FRAS1: variants seen among roughly 807,000 people sequenced by gnomAD.
FRAS1 encodes extracellular matrix organizing protein FRAS1.
A neutral mutation model predicts 435.2 loss-of-function variants in FRAS1; 290 were observed. That is an observed-to-expected ratio of 0.67 (90% CI 0.61 to 0.73). FRAS1 has a LOEUF of 0.73. FRAS1 is among the 30% of genes least tolerant of loss of function. The pLI is 0.00. For missense variants in FRAS1, 4,860 were observed against 5,001.5 expected (o/e 0.97, Z 0.85); for synonymous variants, 1,800 against 1,851.0 (o/e 0.97, Z 0.71).
chr4:78,329,997 T>C (rs345500), intron 18 of FRAS1, among the ~76,000 whole-genome samples: 113,894 of 152,062 alleles, frequency 0.75, 43,204 homozygotes, highest in African/African-American at 0.84. Context: ...GTGTCAAAAT[T>C]GAGAGAATGA....
chr4:78,460,078 G>C (rs192468731), intron 47 of FRAS1, among the ~76,000 whole-genome samples: 207 of 152,290 alleles, frequency 1.4e-3, no homozygotes, highest in Middle Eastern at 6.8e-3. Flanking sequence ...AAGCAAGAAG[G>C]CTGGGAGTCT....
At chr4:78,138,446 C>A (rs778299486) in intron 2 of FRAS1, among the ~76,000 whole-genome samples, 1 of 152,194 alleles carries the variant, frequency 6.6e-6, no homozygotes, top group South Asian at 2.1e-4. Context: ...ACTGATAAGC[C>A]TGGACTTTCA....
chr4:78,259,994 G>T (rs1462502926), intron 6 of FRAS1, among the ~76,000 whole-genome samples: 1 of 152,024 alleles, frequency 6.6e-6, no homozygotes, highest in Non-Finnish European at 1.5e-5. Flanking sequence ...TTTTTCTCAG[G>T]TTTGTCAAAG....
chr4:78,301,900 A>G (rs527808623), intron 14 of FRAS1, among the ~76,000 whole-genome samples: 1 of 145,600 alleles, frequency 6.9e-6, no homozygotes, highest in African/African-American at 2.6e-5. Context: ...CATGTGCACA[A>G]TGTGCTGGTT....
chr4:78,457,455 A>G (rs1719237544), intron 47 of FRAS1, among the ~76,000 whole-genome samples: 1 of 152,126 alleles, frequency 6.6e-6, no homozygotes, highest in Admixed American at 6.5e-5. Context: ...TCTGTGAATC[A>G]CAGGTTACAC....
intron 60 of FRAS1, among the ~76,000 whole-genome samples, chr4:78,498,178 T>C (rs988828368): frequency 2.0e-5 from 3 of 152,050 alleles, no homozygotes; most frequent in African/African-American, 7.2e-5. Flanking sequence ...TGTAACAAAC[T>C]TGCACGTTCT....
rs1728519358 is a variant in FRAS1 at position 78,303,300 on chromosome 4, C to T, written c.1535-4766C>T. ...TTGAAGTCAGGTAGTGTGATGCCTC[C>T]AGCTTTGTTCTTTTGGCTGAGGATT... On this transcript the variant is annotated intron_variant, in intron 14 of 73. Transcript: ENST00000512123. Among the ~76,000 whole-genome samples the T allele has an allele frequency of 2.6e-5, 4 of 152,246 alleles. No homozygotes were observed. The South Asian group carries it at 6.2e-4, about 24-fold the overall frequency.
intron 1 of FRAS1, among the ~76,000 whole-genome samples, chr4:78,061,583 A>T (rs1739762970): frequency 6.6e-6 from 1 of 152,210 alleles, no homozygotes; most frequent in African/African-American, 2.4e-5. Flanking sequence ...CATTTGATAG[A>T]CAATATGTTT....
intron 70 of FRAS1, among the ~76,000 whole-genome samples, chr4:78,533,355 C>T (rs1185703895): frequency 6.6e-6 from 1 of 152,090 alleles, no homozygotes; most frequent in East Asian, 1.9e-4. Context: ...CCCTGGGGCA[C>T]TAGAGATCAT....
rs1051835995 is a variant in FRAS1 at position 78,088,755 on chromosome 4, C to T, written c.108+22739C>T. On this transcript the variant is annotated intron_variant, in intron 2 of 73. Coordinates refer to ENST00000512123, the MANE Select transcript of FRAS1 (RefSeq NM_025074.7). ...TACCATCTCACACCAGTTAGAATGG[C>T]GATCATTAAAAAGTTAGGAAACCAC... is the stretch of plus-strand genomic sequence containing the variant. Among the ~76,000 whole-genome samples the T allele has an allele frequency of 3.1e-4, 47 of 152,004 alleles. 1 individual carries two copies. The highest frequency in any genetic ancestry group is 3.5e-4 in the Non-Finnish European group (24 of 68,012).
At chr4:78,234,819 G>A (rs755633246) in intron 2 of FRAS1, among the ~76,000 whole-genome samples, 3 of 152,124 alleles carry the variant, frequency 2.0e-5, no homozygotes, top group Non-Finnish European at 2.9e-5. Flanking sequence ...TTTAAAGGGT[G>A]ATTTTATTTT....
intron 72 of FRAS1, 130 bp from the exon 73 acceptor site, chr4:78,539,164 C>T: frequency 1.2e-6 from 1 of 814,248 alleles, no homozygotes; most frequent in South Asian, 1.9e-5. Context: ...GAGGGCTTCA[C>T]AGCACATACT....
intron 70 of FRAS1, among the ~76,000 whole-genome samples, chr4:78,530,865 A>G (rs893637367): frequency 6.6e-6 from 1 of 152,170 alleles, no homozygotes; most frequent in Non-Finnish European, 1.5e-5. Flanking sequence ...GTTTTTTCTA[A>G]TTCTGTGAAG....
chr4:78,204,835 A>G (rs541833649), intron 2 of FRAS1, among the ~76,000 whole-genome samples: 259 of 152,350 alleles, frequency 1.7e-3, no homozygotes, highest in Middle Eastern at 3.4e-3. Flanking sequence ...GGAAACTTCT[A>G]AGCACAACTT....
intron 2 of FRAS1, among the ~76,000 whole-genome samples, chr4:78,113,290 G>A (rs1183765703): frequency 6.6e-6 from 1 of 152,170 alleles, no homozygotes. Flanking sequence ...ACAAACATAA[G>A]TGTGCACGTG....
At chr4:78,162,769 C>A (rs1218488757) in intron 2 of FRAS1, among the ~76,000 whole-genome samples, 2 of 152,116 alleles carry the variant, frequency 1.3e-5, no homozygotes, top group Non-Finnish European at 2.9e-5. Context: ...CTTTCAGGAG[C>A]TGGTTCGTTG....
intron 3 of FRAS1, among the ~76,000 whole-genome samples, chr4:78,242,174 TC>T (rs1725029216): frequency 2.0e-5 from 3 of 152,200 alleles, no homozygotes. Flanking sequence ...TCTTTAGAAA[TC>T]ACTTAGTCAG....
chr4:78,118,454 G>C (rs981327462), intron 2 of FRAS1, among the ~76,000 whole-genome samples: 1 of 152,068 alleles, frequency 6.6e-6, no homozygotes, highest in East Asian at 1.9e-4. Context: ...AGGCAGGCAG[G>C]CCTCCTTGAG....
intron 19 of FRAS1, among the ~76,000 whole-genome samples, chr4:78,335,145 G>T (rs778359347): frequency 1.3e-5 from 2 of 152,104 alleles, no homozygotes; most frequent in African/African-American, 4.8e-5. Flanking sequence ...CCCTCTTAAT[G>T]AGGTACTGCT....
Sources: allele counts gnomAD v4.1 joint callset (sites outside exome capture counted in the v4.1 genomes callset), GRCh38; gene constraint gnomAD v4.1.1; transcripts MANE v1.5; gene names NCBI Gene and HGNC (gene_info 2026-07-23, HGNC 2026-07-21).